Variants in DCUN1D3 observed in about 807,000 individuals in gnomAD.
The protein encoded by DCUN1D3 is defective in cullin neddylation 1 domain containing 3, also known as DCN1-like protein 3.
A neutral mutation model predicts 24.8 loss-of-function variants in DCUN1D3; 6 were observed. That is an observed-to-expected ratio of 0.24 (90% CI 0.13 to 0.48). DCUN1D3 has a LOEUF of 0.48. DCUN1D3 is among the 20% of genes least tolerant of loss of function. DCUN1D3 has a pLI of 0.99. For missense variants in DCUN1D3, 258 were observed against 379.4 expected (o/e 0.68, Z 2.66); for synonymous variants, 120 against 144.9 (o/e 0.83, Z 1.24).
At chr16:20,900,025 G>A (rs2081961203) in intron 1 of DCUN1D3, 179 bp downstream of exon 1, 1 of 152,312 alleles carries the variant, frequency 6.6e-6, no homozygotes, top group Non-Finnish European at 1.5e-5. Flanking sequence ...TGAGCCCTGC[G>A]GCTGACACGC....
chr16:20,862,029 T>C, intron 2 of DCUN1D3, 79 bp downstream of exon 2: 3 of 1,504,914 alleles, frequency 2.0e-6, no homozygotes, highest in Non-Finnish European at 2.7e-6. Flanking sequence ...CCCAGTCCTA[T>C]CCTAGCTGGG....
chr16:20,875,731 G>A (rs765814269), intron 1 of DCUN1D3, among the ~76,000 whole-genome samples: 1 of 152,136 alleles, frequency 6.6e-6, no homozygotes, highest in Non-Finnish European at 1.5e-5. Context: ...AAGATTTTTT[G>A]TGTAAGACCT....
At chr16:20,866,841 G>A (rs1483748044) in intron 1 of DCUN1D3, among the ~76,000 whole-genome samples, 1 of 152,122 alleles carries the variant, frequency 6.6e-6, no homozygotes, top group Admixed American at 6.5e-5. Flanking sequence ...CGATTACTCT[G>A]ATTACTGCCC....
intron 1 of DCUN1D3, among the ~76,000 whole-genome samples, chr16:20,873,382 A>C (rs2081799045): frequency 6.6e-6 from 1 of 152,208 alleles, no homozygotes; most frequent in Non-Finnish European, 1.5e-5. Context: ...CCCTTATCAA[A>C]GGTTTAACAT....
rs570450025 is a variant in DCUN1D3 at position 20,893,340 on chromosome 16, T to C, written c.-106+6864A>G. On this transcript the variant is annotated intron_variant, in intron 1 of 2. Transcript: ENST00000324344. ...GGTGCACACCACCACGCCCAGCTCC[T>C]TTCCCTTATTTCTTGTAAAATGAGG... Among the ~76,000 whole-genome samples, 45 of 152,252 alleles carry C rather than the reference T, an allele frequency of 3.0e-4. 1 individual carries two copies. Among genetic ancestry groups the C allele is most frequent in the Non-Finnish European group, 4.7e-4 (32 of 68,002 alleles).
At chr16:20,876,601 G>C (rs1036790783) in intron 1 of DCUN1D3, among the ~76,000 whole-genome samples, 50 of 152,056 alleles carry the variant, frequency 3.3e-4, no homozygotes, top group African/African-American at 1.2e-3. Context: ...TGCACTACTA[G>C]GTATATGTGC....
At chr16:20,869,770 C>T (rs1014189895) in intron 1 of DCUN1D3, among the ~76,000 whole-genome samples, 3 of 152,060 alleles carry the variant, frequency 2.0e-5, no homozygotes, top group Non-Finnish European at 2.9e-5. Context: ...CTTCATTTTA[C>T]AGAGGGAGGA....
intron 1 of DCUN1D3, among the ~76,000 whole-genome samples, chr16:20,874,763 C>G (rs972363115): frequency 5.3e-5 from 8 of 152,084 alleles, no homozygotes; most frequent in African/African-American, 1.9e-4. Flanking sequence ...GTTTGCACAT[C>G]TTTATTTGAA....
At position 20,858,878 on chromosome 16, in the gene DCUN1D3, CCA is replaced by C. The variant is rs1467808287; in HGVS notation, c.*1006_*1007del. On this transcript the variant is annotated 3_prime_UTR_variant, in exon 3 of 3. Transcript: ENST00000324344. ...AAAAAAATTCAAGCAGAGCTCCATACCACAGTTTTCCTTCAAGTCAGTTGGCC... is the reference window on the plus strand; with the variant it reads ...AAAAAAATTCAAGCAGAGCTCCATACCAGTTTTCCTTCAAGTCAGTTGGCC... 1.4e-5 allele frequency: 2 copies of C among 141,674 alleles called. No individual in the cohort carries two copies. Among genetic ancestry groups the C allele is most frequent in the African/African-American group, 2.6e-5 (1 of 37,944 alleles). 8.8% of individuals were successfully genotyped at this position (141,674 alleles called of 1,614,324 possible). A position where few individuals can be genotyped will look rare whatever the true frequency, so the allele number is the denominator to read the frequency against.
At chr16:20,884,448 A>G (rs1180132192) in intron 1 of DCUN1D3, among the ~76,000 whole-genome samples, 1 of 152,200 alleles carries the variant, frequency 6.6e-6, no homozygotes, top group Non-Finnish European at 1.5e-5. Flanking sequence ...ACCATTGCCT[A>G]CACATAATGA....
chr16:20,867,431 C>G (rs548871009), intron 1 of DCUN1D3, among the ~76,000 whole-genome samples: 1 of 152,172 alleles, frequency 6.6e-6, no homozygotes, highest in Non-Finnish European at 1.5e-5. Flanking sequence ...CCCCACCAGA[C>G]GTGGAAACGA....
At position 20,887,347 on chromosome 16, in the gene DCUN1D3, G is replaced by C. The variant is rs964315187; in HGVS notation, c.-106+12857C>G. ...AAAAAACAGAACTAGTAAATGAAAA[G>C]TATTCATCATGTGCCACCAAAAATC... On this transcript the variant is annotated intron_variant, in intron 1 of 2. Coordinates refer to ENST00000324344, the MANE Select transcript of DCUN1D3 (RefSeq NM_173475.4). 2.0e-5 allele frequency among the ~76,000 whole-genome samples: 3 copies of C among 152,210 alleles called. 1 individual carries two copies. The South Asian group carries it at 6.2e-4, about 32-fold the overall frequency.
chr16:20,885,240 T>G (rs111494588), intron 1 of DCUN1D3, among the ~76,000 whole-genome samples: 5,827 of 152,248 alleles, frequency 0.038, 155 homozygotes, highest in South Asian at 0.06. Context: ...CTCCCAAAAG[T>G]GCTGGGATTA....
intron 1 of DCUN1D3, among the ~76,000 whole-genome samples, chr16:20,871,183 G>A (rs1471303180): frequency 6.6e-6 from 1 of 152,212 alleles, no homozygotes; most frequent in African/African-American, 2.4e-5. Context: ...ACTTGGGAGG[G>A]AAAGTTGATC....
chr16:20,893,622 T>C (rs767503062), intron 1 of DCUN1D3, among the ~76,000 whole-genome samples: 10 of 152,114 alleles, frequency 6.6e-5, no homozygotes, highest in Admixed American at 4.6e-4. Context: ...CAGACTGAAG[T>C]AGTAACGTGA....
In DCUN1D3 at chr16:20,862,703, C is replaced by CTT; in HGVS notation, c.-105-62_-105-61dup. On this transcript the variant is annotated intron_variant, in intron 1 of 2. Coordinates refer to ENST00000324344, the MANE Select transcript of DCUN1D3 (RefSeq NM_173475.4). ...GGGGGAAATGGGGTATGGACCCTAC[C>CTT]TTCTAGGGTGCACACTGGTTCACCG... The CTT allele has an allele frequency of 2.1e-6, 3 of 1,415,476 alleles. No homozygotes were observed. The South Asian group carries it at 4.3e-5, about 20-fold the overall frequency. The allele number at this position is 1,415,476 out of a possible 1,614,324, so 87.7% of individuals were successfully genotyped here.
intron 1 of DCUN1D3, among the ~76,000 whole-genome samples, chr16:20,881,914 T>C (rs1263563350): frequency 6.6e-6 from 1 of 152,176 alleles, no homozygotes; most frequent in East Asian, 1.9e-4. Context: ...GCGATTCTCC[T>C]ACCTCAGCCT....
At chr16:20,889,581 G>T (rs961866482) in intron 1 of DCUN1D3, among the ~76,000 whole-genome samples, 1 of 152,094 alleles carries the variant, frequency 6.6e-6, no homozygotes, top group African/African-American at 2.4e-5. Flanking sequence ...GTCAAGAAAT[G>T]ACAATTGTTA....
At chr16:20,897,658 G>A (rs957747961) in intron 1 of DCUN1D3, among the ~76,000 whole-genome samples, 3 of 152,122 alleles carry the variant, frequency 2.0e-5, no homozygotes, top group Admixed American at 6.5e-5. Context: ...AAACAAAGGA[G>A]GATTCGTATA....
Sources: allele counts gnomAD v4.1 joint callset (sites outside exome capture counted in the v4.1 genomes callset), GRCh38; gene constraint gnomAD v4.1.1; transcripts MANE v1.5; gene names NCBI Gene and HGNC (gene_info 2026-07-23, HGNC 2026-07-21).